Variants in PAK3 observed in about 807,000 individuals in gnomAD.
PAK3 encodes the protein serine/threonine-protein kinase PAK 3.
PAK3 carries 4 observed loss-of-function variants against 41.0 expected under a neutral mutation model. The observed-to-expected ratio is 0.10, with a 90% CI of 0.05 to 0.22. PAK3 has a LOEUF of 0.22. Ranked by LOEUF, PAK3 falls within the 10% of genes least tolerant of loss-of-function variation. The pLI is 1.00. For synonymous variants in PAK3, 146 were observed against 139.6 expected (o/e 1.05, Z -0.32); for missense variants, 205 against 409.9 (o/e 0.50, Z 4.32).
At chrX:111,102,911 T>C (rs2093171300) in intron 3 of PAK3, among the ~76,000 whole-genome samples, 1 of 112,252 alleles carries the variant, frequency 8.9e-6, no homozygotes, top group South Asian at 3.7e-4. Flanking sequence ...TGGAATCCTA[T>C]GTAACAATGC....
At chrX:111,159,623 C>A (rs1470894485) in intron 8 of PAK3, among the ~76,000 whole-genome samples, 2 of 111,367 alleles carry the variant, frequency 1.8e-5, no homozygotes, top group African/African-American at 6.5e-5. Context: ...TCTCCCTGTG[C>A]CCCCTGAAAT....
chrX:111,048,255 T>C (rs2092519846), intron 1 of PAK3, among the ~76,000 whole-genome samples: 1 of 111,330 alleles, frequency 9.0e-6, no homozygotes, highest in African/African-American at 3.3e-5. Context: ...ATTTCTTCTC[T>C]ATGTCATCTC....
At chrX:111,201,542 G>GGT (rs1373994167) in intron 16 of PAK3, among the ~76,000 whole-genome samples, 1 of 111,491 alleles carries the variant, frequency 9.0e-6, no homozygotes, top group Admixed American at 9.6e-5. Context: ...GGTGGAAAGA[G>GGT]GTAGAAGGAA....
rs199747137 is a variant in PAK3 at position 111,064,379 on chromosome X, CA to C, written c.-27-58697del. Among the ~76,000 whole-genome samples the C allele has an allele frequency of 6.2e-3, 688 of 110,745 alleles. 8 individuals are homozygous for C. Among genetic ancestry groups the C allele is most frequent in the African/African-American group, 0.022 (660 of 30,404 alleles). On this transcript the variant is annotated intron_variant, in intron 1 of 14. Coordinates refer to the PAK3 transcript ENST00000425146. Reference sequence around the variant, plus strand: ...TTCTGTGATGTTGAGGTTTTGGGTACATTTGATCTCATCACCCAGGTAGTGA... The same window carrying C: ...TTCTGTGATGTTGAGGTTTTGGGTACTTTGATCTCATCACCCAGGTAGTGA...
At chrX:111,035,479 TGC>T (rs1470506530) in intron 1 of PAK3, among the ~76,000 whole-genome samples, 1 of 111,733 alleles carries the variant, frequency 8.9e-6, no homozygotes, top group Non-Finnish European at 1.9e-5. Context: ...GCTGATGCCA[TGC>T]TGGGGACTGA....
intron 1 of PAK3, among the ~76,000 whole-genome samples, chrX:110,983,223 A>C (rs755613559): frequency 2.7e-5 from 3 of 111,375 alleles, no homozygotes; most frequent in South Asian, 7.6e-4. Context: ...TTTTTCCCCT[A>C]GTCAGCATTA....
intron 1 of PAK3, among the ~76,000 whole-genome samples, chrX:111,027,097 T>C (rs2092281015): frequency 9.0e-6 from 1 of 111,632 alleles, no homozygotes; most frequent in South Asian, 3.7e-4. Context: ...TTGGGATAAT[T>C]GGCAAGCCAC....
chrX:111,082,088 A>G (rs1040837648), intron 1 of PAK3, among the ~76,000 whole-genome samples: 1 of 112,525 alleles, frequency 8.9e-6, no homozygotes, highest in African/African-American at 3.2e-5. Flanking sequence ...AAAAAATGAA[A>G]GTTCCTTAAT....
chrX:111,166,455 AT>A (rs1376790008), intron 10 of PAK3, among the ~76,000 whole-genome samples: 1 of 110,898 alleles, frequency 9.0e-6, no homozygotes, highest in Non-Finnish European at 1.9e-5. Context: ...GTGCGCCACC[AT>A]GCCCAGCTAA....
upstream of PAK3, among the ~76,000 whole-genome samples, chrX:111,095,587 T>C (rs1479255699): frequency 8.9e-6 from 1 of 112,163 alleles, no homozygotes; most frequent in Non-Finnish European, 1.9e-5. Context: ...AGTAGAGTTA[T>C]TTTTATTTTT....
At chrX:111,130,291 A>G (rs2093700075) in intron 5 of PAK3, among the ~76,000 whole-genome samples, 1 of 111,791 alleles carries the variant, frequency 8.9e-6, no homozygotes, top group Non-Finnish European at 1.9e-5. Context: ...TCCTCACGGA[A>G]CATCTGACCT....
intron 1 of PAK3, among the ~76,000 whole-genome samples, chrX:111,065,962 T>C (rs1029375650): frequency 1.8e-5 from 2 of 112,098 alleles, no homozygotes; most frequent in Non-Finnish European, 3.8e-5. Flanking sequence ...TTAATCTAAC[T>C]AGCAGTGTAT....
chrX:111,140,114 C>T (rs980917304), intron 5 of PAK3, among the ~76,000 whole-genome samples: 1 of 111,577 alleles, frequency 9.0e-6, no homozygotes, highest in African/African-American at 3.3e-5. Context: ...TAAAGGGAAC[C>T]TTCCTCTCAA....
At chrX:111,172,147 A>AT (rs779598141) in intron 10 of PAK3, among the ~76,000 whole-genome samples, 166 of 111,499 alleles carry the variant, frequency 1.5e-3, no homozygotes, top group African/African-American at 5.3e-3. Context: ...AAGTTCTTAG[A>AT]TTGTTTTTTA....
At chrX:110,980,098 C>T (rs1337776581) in intron 1 of PAK3, among the ~76,000 whole-genome samples, 1 of 112,140 alleles carries the variant, frequency 8.9e-6, no homozygotes, top group Non-Finnish European at 1.9e-5. Context: ...CTAGCAATCT[C>T]GCATGTCAAA....
chrX:111,111,383 C>T (rs1439398262), intron 4 of PAK3, among the ~76,000 whole-genome samples: 1 of 111,620 alleles, frequency 9.0e-6, no homozygotes, highest in East Asian at 2.8e-4. Context: ...TAAGTTTTTA[C>T]TGATATTTCT....
chrX:110,991,698 T>G (rs1225446660), intron 1 of PAK3, among the ~76,000 whole-genome samples: 1 of 112,321 alleles, frequency 8.9e-6, no homozygotes, highest in Non-Finnish European at 1.9e-5. Flanking sequence ...TGCCAAATCT[T>G]ACTACTAAGA....
At position 111,055,145 on chromosome X, in the gene PAK3, T is replaced by A. The variant is rs189656790; in HGVS notation, c.-27-67932T>A. On this transcript the variant is annotated intron_variant, in intron 1 of 14. Transcript: ENST00000425146. The stretch of plus-strand genomic sequence containing the variant: ...CCTATATTTACATGGACTCTTTGCC[T>A]TGAGGCAATCTCTGAATAGGCAGCA... Among the ~76,000 whole-genome samples, 11 of 111,999 alleles carry A rather than the reference T, an allele frequency of 9.8e-5. No individual in the cohort carries two copies. The East Asian group carries it at 3.1e-3, about 32-fold the overall frequency.
chrX:110,956,931 C>G (rs1368867321), intron 1 of PAK3, among the ~76,000 whole-genome samples: 1 of 111,702 alleles, frequency 9.0e-6, no homozygotes, highest in Non-Finnish European at 1.9e-5. Flanking sequence ...AGGGCATCGC[C>G]TAGCTCAGCC....
Sources: allele counts gnomAD v4.1 joint callset (sites outside exome capture counted in the v4.1 genomes callset), GRCh38; gene constraint gnomAD v4.1.1; transcripts MANE v1.5; gene names NCBI Gene and HGNC (gene_info 2026-07-23, HGNC 2026-07-21).